The following LHFPL3 variants were observed in gnomAD, a reference collection of about 807,000 sequenced individuals.
LHFPL3 encodes LHFPL tetraspan subfamily member 3.
LHFPL3 carries 5 observed loss-of-function variants against 19.3 expected under a neutral mutation model. That is an observed-to-expected ratio of 0.26 (90% CI 0.14 to 0.54). The LOEUF (loss-of-function observed/expected upper bound fraction) is 0.54. LHFPL3 is among the 20% of genes least tolerant of loss of function. LHFPL3 has a pLI of 0.94. For synonymous variants in LHFPL3, 133 were observed against 126.2 expected, an observed-to-expected ratio of 1.05 and a Z score of -0.36; for missense variants, 249 against 307.4, an observed-to-expected ratio of 0.81 and a Z score of 1.42.
intron 2 of LHFPL3, among the ~76,000 whole-genome samples, chr7:104,775,885 A>G (rs1443580993): frequency 1.3e-5 from 2 of 152,186 alleles, no homozygotes; most frequent in Middle Eastern, 3.4e-3. Context: ...CAGAACATAA[A>G]AAATGCATGC....
At chr7:104,866,004 A>C (rs1395889735) in intron 2 of LHFPL3, among the ~76,000 whole-genome samples, 22 of 152,106 alleles carry the variant, frequency 1.4e-4, no homozygotes, top group African/African-American at 4.4e-4. Context: ...GAAATAAAAT[A>C]CTTTACAGAC....
chr7:104,576,652 GTTTGT>G (rs968761887), intron 1 of LHFPL3, among the ~76,000 whole-genome samples: 4 of 151,766 alleles, frequency 2.6e-5, no homozygotes, highest in East Asian at 2.0e-4. Context: ...TTGTTTGTTT[GTTTGT>G]TTTGTTTTGT....
chr7:104,739,862 G>C (rs1793899845), intron 2 of LHFPL3, among the ~76,000 whole-genome samples: 1 of 152,196 alleles, frequency 6.6e-6, no homozygotes, highest in Admixed American at 6.5e-5. Flanking sequence ...ACATCTGAAA[G>C]GGATACACAC....
At chr7:104,507,156 C>T (rs1793715123) in intron 1 of LHFPL3, among the ~76,000 whole-genome samples, 1 of 152,028 alleles carries the variant, frequency 6.6e-6, no homozygotes, top group Non-Finnish European at 1.5e-5. Context: ...CCAAGTCAAT[C>T]CTAAGCCAAA....
chr7:104,692,491 A>G, intron 1 of LHFPL3, among the ~76,000 whole-genome samples: 1 of 152,210 alleles, frequency 6.6e-6, no homozygotes, highest in East Asian at 1.9e-4. Context: ...CAGTCTCAGG[A>G]CTTGGTGCCT....
At chr7:104,387,787 AAG>A (rs1290579500) in intron 1 of LHFPL3, among the ~76,000 whole-genome samples, 1 of 152,210 alleles carries the variant, frequency 6.6e-6, no homozygotes, top group East Asian at 1.9e-4. Flanking sequence ...TTGAAAGACA[AAG>A]AGAAATTTTT....
chr7:104,842,560 G>A (rs1791234996), intron 2 of LHFPL3, among the ~76,000 whole-genome samples: 1 of 152,180 alleles, frequency 6.6e-6, no homozygotes, highest in South Asian at 2.1e-4. Flanking sequence ...ACAGTCCAGG[G>A]GATGTGGCAT....
At position 104,334,930 on chromosome 7, in the gene LHFPL3, C is replaced by A. The variant is rs185846145; in HGVS notation, c.445+5706C>A. ...AGGGACTTGTTCTAGGTTGGATTTCCTTATGTACCTTCAGGAGCAATAAAG... is the reference window on the plus strand; with the variant it reads ...AGGGACTTGTTCTAGGTTGGATTTCATTATGTACCTTCAGGAGCAATAAAG... On this transcript the variant is annotated intron_variant, in intron 1 of 2. Coordinates refer to ENST00000424859, the MANE Select transcript of LHFPL3 (RefSeq NM_199000.3). Among the ~76,000 whole-genome samples, 9 of 152,180 alleles carry A rather than the reference C, an allele frequency of 5.9e-5. No individual in the cohort carries two copies. The East Asian group carries it at 1.7e-3, about 29-fold the overall frequency.
At chr7:104,648,010 G>T (rs899954551) in intron 1 of LHFPL3, among the ~76,000 whole-genome samples, 1 of 152,318 alleles carries the variant, frequency 6.6e-6, no homozygotes, top group Middle Eastern at 3.4e-3. Context: ...ACTCGTATTT[G>T]CAGTAATATC....
At chr7:104,458,124 A>G (rs1334914670) in intron 1 of LHFPL3, among the ~76,000 whole-genome samples, 1 of 151,664 alleles carries the variant, frequency 6.6e-6, no homozygotes, top group East Asian at 1.9e-4. Context: ...GTTTAATAAG[A>G]TCCCATTTGT....
intron 1 of LHFPL3, 113 bp downstream of exon 1, chr7:104,329,337 A>G (rs759144800): frequency 7.8e-4 from 1,069 of 1,378,238 alleles, no homozygotes; most frequent in Non-Finnish European, 9.8e-4. Context: ...CAAGCCGCCT[A>G]ATCCGCTCAG....
intron 1 of LHFPL3, among the ~76,000 whole-genome samples, chr7:104,432,475 G>GGA (rs1156723165): frequency 6.6e-6 from 1 of 151,990 alleles, no homozygotes; most frequent in Non-Finnish European, 1.5e-5. Flanking sequence ...CATTCCTGTT[G>GGA]GCGTCCAAGT....
At chr7:104,442,192 C>A (rs1025492776) in intron 1 of LHFPL3, among the ~76,000 whole-genome samples, 1 of 151,412 alleles carries the variant, frequency 6.6e-6, no homozygotes, top group African/African-American at 2.4e-5. Context: ...CCATTCATAT[C>A]TCTTCTTTGG....
At chr7:104,714,984 C>G (rs201385519) in intron 1 of LHFPL3, among the ~76,000 whole-genome samples, 3 of 149,486 alleles carry the variant, frequency 2.0e-5, no homozygotes, top group African/African-American at 7.3e-5. Context: ...TGTATATACA[C>G]AGAGAGAGAG....
At chr7:104,361,522 T>C (rs1186687799) in intron 1 of LHFPL3, among the ~76,000 whole-genome samples, 2 of 152,152 alleles carry the variant, frequency 1.3e-5, no homozygotes, top group African/African-American at 4.8e-5. Context: ...AAGCAAGGAA[T>C]AGGTAAATAG....
At chr7:104,879,351 G>T (rs1792004124) in intron 2 of LHFPL3, among the ~76,000 whole-genome samples, 2 of 152,172 alleles carry the variant, frequency 1.3e-5, no homozygotes, top group Admixed American at 1.3e-4. Flanking sequence ...GGGAGGCAAG[G>T]GTTGCAGTGA....
chr7:104,577,160 C>T (rs1362138872), intron 1 of LHFPL3, among the ~76,000 whole-genome samples: 1 of 152,158 alleles, frequency 6.6e-6, no homozygotes, highest in South Asian at 2.1e-4. Flanking sequence ...TCAGGCACTG[C>T]AGTTCTAAAG....
At chr7:104,475,978 T>G (rs540393940) in intron 1 of LHFPL3, among the ~76,000 whole-genome samples, 33 of 147,134 alleles carry the variant, frequency 2.2e-4, no homozygotes, top group Non-Finnish European at 3.9e-4. Context: ...TAGTCTATTT[T>G]AGAAATGATT....
chr7:104,531,583 C>T (rs752271784), intron 1 of LHFPL3, among the ~76,000 whole-genome samples: 3 of 152,124 alleles, frequency 2.0e-5, no homozygotes, highest in Non-Finnish European at 4.4e-5. Context: ...GGCCCACCTA[C>T]TGTGTGCAGT....
Sources: gnomAD v4.1 joint callset for allele counts (sites outside exome capture counted in the v4.1 genomes callset) on GRCh38, gnomAD v4.1.1 for gene constraint, MANE v1.5 for transcripts, NCBI Gene and HGNC (gene_info 2026-07-23, HGNC 2026-07-21) for gene names.